The following NT5C2 variants were observed in gnomAD, a reference collection of about 807,000 sequenced individuals.
The protein encoded by NT5C2 is 5'-nucleotidase, cytosolic II.
NT5C2 carries 58 observed loss-of-function variants against 76.1 expected under a neutral mutation model. The observed-to-expected ratio is 0.76, with a 90% CI of 0.62 to 0.95. NT5C2 has a LOEUF of 0.95. Ranked by LOEUF, NT5C2 falls within the 40% of genes least tolerant of loss-of-function variation. The pLI is 0.00. For missense variants in NT5C2, 478 were observed against 690.3 expected (o/e 0.69, Z 3.45); for synonymous variants, 229 against 237.4 (o/e 0.96, Z 0.32).
At chr10:103,175,191 A>C (rs1206557746) in intron 2 of NT5C2, among the ~76,000 whole-genome samples, 1 of 152,216 alleles carries the variant, frequency 6.6e-6, no homozygotes, top group African/African-American at 2.4e-5. Context: ...TGGTAATTTC[A>C]ATCCGGAAAG....
chr10:103,112,603 G>A (rs1466660968), intron 4 of NT5C2, among the ~76,000 whole-genome samples: 6 of 152,096 alleles, frequency 3.9e-5, no homozygotes, highest in African/African-American at 1.4e-4. Context: ...AGACATTTAG[G>A]TTTTTGAAAA....
intron 11 of NT5C2, 48 bp downstream of exon 11, chr10:103,097,243 G>A (rs1234053815): frequency 1.5e-6 from 2 of 1,360,798 alleles, no homozygotes; most frequent in Admixed American, 1.9e-5. Context: ...AGTTCTTTAG[G>A]CCAAAATAAT....
At chr10:103,170,419 A>T (rs1475023132) in intron 3 of NT5C2, among the ~76,000 whole-genome samples, 1 of 152,078 alleles carries the variant, frequency 6.6e-6, no homozygotes, top group Non-Finnish European at 1.5e-5. Context: ...GAAAGAACGT[A>T]GGGTACAGAA....
intron 3 of NT5C2, 71 bp from the exon 4 acceptor site, chr10:103,139,550 G>T: frequency 3.7e-6 from 4 of 1,088,494 alleles, no homozygotes; most frequent in Non-Finnish European, 1.3e-6. Flanking sequence ...AAGTTATTTG[G>T]CTATTTTTCT....
chr10:103,169,884 T>C (rs1260091760), intron 3 of NT5C2, among the ~76,000 whole-genome samples: 2 of 152,084 alleles, frequency 1.3e-5, no homozygotes, highest in East Asian at 3.9e-4. Context: ...CCCAGAACTT[T>C]GGGAGGCTGA....
At chr10:103,169,270 T>A (rs754353911) in intron 3 of NT5C2, 1 of 152,170 alleles carries the variant, frequency 6.6e-6, no homozygotes, top group Non-Finnish European at 1.5e-5. Context: ...CATATACATA[T>A]ACACACACAC....
At chr10:103,160,304 C>A (rs1295586554) in intron 3 of NT5C2, among the ~76,000 whole-genome samples, 1 of 152,066 alleles carries the variant, frequency 6.6e-6, no homozygotes, top group Non-Finnish European at 1.5e-5. Flanking sequence ...GAAGAGAACA[C>A]AGGAGTAAAT....
intron 4 of NT5C2, among the ~76,000 whole-genome samples, chr10:103,110,938 G>C (rs1286765238): frequency 6.6e-6 from 1 of 152,156 alleles, no homozygotes; most frequent in Admixed American, 6.5e-5. Flanking sequence ...CTGAAGCTAA[G>C]TACTGCCATT....
At chr10:103,129,075 G>A (rs1305763744) in intron 4 of NT5C2, among the ~76,000 whole-genome samples, 9 of 127,498 alleles carry the variant, frequency 7.1e-5, no homozygotes, top group African/African-American at 2.6e-4. Context: ...GGAGGGAGGT[G>A]GGGGGGTCAG....
chr10:103,091,536 T>C, intron 16 of NT5C2, 28 bp downstream of exon 16: 1 of 1,574,364 alleles, frequency 6.4e-7, no homozygotes, highest in Non-Finnish European at 8.7e-7. Flanking sequence ...GAGTAAGTTT[T>C]TGGGAAAGAA....
intron 9 of NT5C2, 29 bp from the exon 10 acceptor site, chr10:103,099,013 A>G: frequency 1.9e-6 from 3 of 1,542,332 alleles, no homozygotes; most frequent in Non-Finnish European, 2.7e-6. Context: ...AAGAATTAAG[A>G]AAAGAACAAA....
chr10:103,160,057 C>A (rs1313940815), intron 3 of NT5C2, among the ~76,000 whole-genome samples: 2 of 152,134 alleles, frequency 1.3e-5, no homozygotes, highest in Non-Finnish European at 2.9e-5. Flanking sequence ...ATAGATCAAA[C>A]AAATATAATT....
chr10:103,171,781 G>A lies in NT5C2; in HGVS notation c.101+3077C>T, dbSNP rs753570316. 1.2e-4 allele frequency among the ~76,000 whole-genome samples: 18 copies of A among 152,104 alleles called. 1 individual carries two copies. The highest frequency in any genetic ancestry group is 2.2e-4 in the Non-Finnish European group (15 of 68,024). On this transcript the variant is annotated intron_variant, in intron 3 of 18. Transcript: ENST00000404739. ...GTAAAAAGAAAATACAATTTAGGCC[G>A]GGCTCAGTGGCTCATGCCTGTAATC...
chr10:103,125,596 C>T (rs1185729880), intron 4 of NT5C2, among the ~76,000 whole-genome samples: 1 of 152,192 alleles, frequency 6.6e-6, no homozygotes, highest in African/African-American at 2.4e-5. Context: ...CTTTATGTCA[C>T]TCATTTACTC....
intron 15 of NT5C2, among the ~76,000 whole-genome samples, chr10:103,092,159 C>T (rs1157182912): frequency 6.6e-6 from 1 of 152,212 alleles, no homozygotes; most frequent in African/African-American, 2.4e-5. Context: ...GTGTTGCAGC[C>T]TTTGTCAGTC....
intron 2 of NT5C2, chr10:103,176,228 T>A (rs2089902914): frequency 6.5e-6 from 1 of 153,214 alleles, no homozygotes; most frequent in African/African-American, 2.4e-5. Context: ...TTTTCCCCTC[T>A]CCCTCCTGTG....
intron 4 of NT5C2, among the ~76,000 whole-genome samples, chr10:103,137,416 C>A (rs538101596): frequency 1.8e-4 from 27 of 152,264 alleles, no homozygotes; most frequent in African/African-American, 6.5e-4. Flanking sequence ...AAATCAGGAA[C>A]TGTGTATATT....
At chr10:103,177,510 A>C (rs544905865) in intron 2 of NT5C2, among the ~76,000 whole-genome samples, 2 of 152,272 alleles carry the variant, frequency 1.3e-5, no homozygotes, top group African/African-American at 4.8e-5. Flanking sequence ...CATGAAGTCA[A>C]TATATACCTC....
intron 4 of NT5C2, among the ~76,000 whole-genome samples, chr10:103,132,756 T>C (rs376459424): frequency 2.0e-4 from 30 of 152,244 alleles, no homozygotes; most frequent in African/African-American, 7.0e-4. Flanking sequence ...TTCACTGTGT[T>C]AGCCAGGATG....
Sources: gnomAD v4.1 joint callset for allele counts (sites outside exome capture counted in the v4.1 genomes callset) on GRCh38, gnomAD v4.1.1 for gene constraint, MANE v1.5 for transcripts, NCBI Gene and HGNC (gene_info 2026-07-23, HGNC 2026-07-21) for gene names.